PRRT1B: variants seen among roughly 807,000 people sequenced by gnomAD.
PRRT1B encodes the protein proline rich transmembrane protein 1B, also known as dispanin subfamily D member 2.
At chr9:131,549,122 A>C (rs1950993681) in intron 1 of PRRT1B, among the ~76,000 whole-genome samples, 1 of 151,858 alleles carries the variant, frequency 6.6e-6, no homozygotes, top group African/African-American at 2.4e-5. Context: ...CATTAAATAA[A>C]CCCCCCAAAT....
intron 3 of PRRT1B, among the ~76,000 whole-genome samples, chr9:131,556,538 A>G (rs1429914609): frequency 6.6e-6 from 1 of 152,060 alleles, no homozygotes; most frequent in East Asian, 1.9e-4. Context: ...ATTCATTCCT[A>G]TGCTCATCTC....
At position 131,549,432 on chromosome 9, in the gene PRRT1B, G is replaced by T. The variant is rs540123103; in HGVS notation, c.25+3792G>T. On this transcript the variant is annotated intron_variant, in intron 1 of 3. Transcript: ENST00000636672. Reference sequence around the variant, plus strand: ...ATTCCTCCTAAGCCATGTCCCATCTGTGCGGGACCCCACTGAAAATTGGAC... The same window carrying T: ...ATTCCTCCTAAGCCATGTCCCATCTTTGCGGGACCCCACTGAAAATTGGAC... Among the ~76,000 whole-genome samples the T allele has an allele frequency of 2.6e-5, 4 of 151,728 alleles. No homozygotes were observed. In the East Asian group the frequency reaches 5.8e-4, roughly 22 times the overall value.
chr9:131,546,517 C>T lies in PRRT1B; in HGVS notation c.25+877C>T, dbSNP rs1950976167. Among the ~76,000 whole-genome samples the T allele has an allele frequency of 2.6e-5, 4 of 152,054 alleles. No homozygotes were observed. In the South Asian group the frequency reaches 6.2e-4, roughly 24 times the overall value. On this transcript the variant is annotated intron_variant, in intron 1 of 3. Coordinates refer to ENST00000636672, the Ensembl canonical transcript of PRRT1B. ...CCCCTGCAGAGTCTCGCGCACTCCC[C>T]GCCCCCTCATCCCCCAGCGCGACTG... is the stretch of plus-strand genomic sequence containing the variant.
rs578244481 is a variant in PRRT1B, at chr9:131,547,161, T to C, written c.25+1521T>C. ...ATCTCGGCTCACTGCAACCTCCTTT[T>C]CCCAGGTTCAAGGGATTCTCCCTCC... is the stretch of plus-strand genomic sequence containing the variant. On this transcript the variant is annotated intron_variant, in intron 1 of 3. Coordinates refer to ENST00000636672, the Ensembl canonical transcript of PRRT1B. Among the ~76,000 whole-genome samples, 8 of 149,618 alleles carry C rather than the reference T, an allele frequency of 5.3e-5. No individual in the cohort carries two copies. The East Asian group carries it at 1.6e-3, about 30-fold the overall frequency.
intron 3 of PRRT1B, among the ~76,000 whole-genome samples, chr9:131,557,244 G>A (rs775962990): frequency 6.6e-5 from 10 of 152,152 alleles, no homozygotes; most frequent in Non-Finnish European, 1.2e-4. Flanking sequence ...CACTCTAATA[G>A]AGACAGAAGC....
chr9:131,556,921 C>G (rs1564418466), intron 3 of PRRT1B, among the ~76,000 whole-genome samples: 1 of 152,156 alleles, frequency 6.6e-6, no homozygotes, highest in Non-Finnish European at 1.5e-5. Context: ...ACGTGAGCCA[C>G]TGTGCCTGGC....
At chr9:131,547,615 G>C (rs543394390) in intron 1 of PRRT1B, among the ~76,000 whole-genome samples, 1 of 152,280 alleles carries the variant, frequency 6.6e-6, no homozygotes, top group South Asian at 2.1e-4. Flanking sequence ...ACACGGACGC[G>C]AGTGAAATTT....
At chr9:131,548,884 A>G (rs544749255) in intron 1 of PRRT1B, among the ~76,000 whole-genome samples, 2 of 152,214 alleles carry the variant, frequency 1.3e-5, no homozygotes, top group South Asian at 2.1e-4. Flanking sequence ...TTTCCTCTTA[A>G]AAAGGTGGCT....
chr9:131,551,832 C>A lies in PRRT1B; in HGVS notation c.26-2725C>A, dbSNP rs1169362278. Reference sequence around the variant, plus strand: ...TAAGACGGCCCACCCCATCTCCCTTCGCTGACTCTCTTTTTGGACTCAGCC... The same window carrying A: ...TAAGACGGCCCACCCCATCTCCCTTAGCTGACTCTCTTTTTGGACTCAGCC... On this transcript the variant is annotated intron_variant, in intron 1 of 3. Coordinates refer to ENST00000636672, the Ensembl canonical transcript of PRRT1B. The surrounding 1 kb of genome is among the most constrained non-coding windows in gnomAD (Gnocchi z 4.4). Among the ~76,000 whole-genome samples, 1 of 151,252 alleles carries A rather than the reference C, an allele frequency of 6.6e-6. No individual in the cohort carries two copies. The highest frequency in any genetic ancestry group is 1.5e-5 in the Non-Finnish European group (1 of 67,968).
chr9:131,548,200 G>C (rs1950988027), intron 1 of PRRT1B, among the ~76,000 whole-genome samples: 1 of 151,720 alleles, frequency 6.6e-6, no homozygotes, highest in African/African-American at 2.4e-5. Flanking sequence ...TTTCCTGGGG[G>C]GACAAGCATC....
intron 1 of PRRT1B, among the ~76,000 whole-genome samples, chr9:131,550,057 A>G (rs967019605): frequency 4.6e-5 from 7 of 152,128 alleles, no homozygotes; most frequent in Non-Finnish European, 8.8e-5. Context: ...CTCAATGCCA[A>G]TATCCCATCC....
intron 1 of PRRT1B, among the ~76,000 whole-genome samples, chr9:131,546,603 T>C (rs1166081530): frequency 1.3e-5 from 2 of 151,464 alleles, no homozygotes; most frequent in African/African-American, 4.9e-5. Flanking sequence ...CGGGAGATGC[T>C]GGAGCGCTGG....
intron 1 of PRRT1B, among the ~76,000 whole-genome samples, chr9:131,548,848 C>T (rs1029075552): frequency 1.3e-5 from 2 of 152,214 alleles, no homozygotes; most frequent in Non-Finnish European, 2.9e-5. Flanking sequence ...AATTCTGCGA[C>T]TAGCCCTCCC....
chr9:131,554,610 C>A (rs1006466149), exon 2 of PRRT1B: 1 of 395,790 alleles, frequency 2.5e-6, no homozygotes, highest in African/African-American at 2.1e-5. Context: ...CCCCCGGAGC[C>A]CCGCGAAGCC....
chr9:131,552,839 ATTTTTTT>A (rs61662684), intron 1 of PRRT1B, among the ~76,000 whole-genome samples: 2 of 133,798 alleles, frequency 1.5e-5, no homozygotes, highest in African/African-American at 2.8e-5. Flanking sequence ...CACCTGGTTA[ATTTTTTT>A]TTTTTTTTTT....
intron 1 of PRRT1B, among the ~76,000 whole-genome samples, chr9:131,553,211 G>C (rs958253426): frequency 8.3e-6 from 1 of 120,282 alleles, no homozygotes; most frequent in Non-Finnish European, 1.8e-5. Context: ...TTGTTGTGCA[G>C]GCATCACCAC....
chr9:131,550,075 C>T (rs577211431), intron 1 of PRRT1B, among the ~76,000 whole-genome samples: 11 of 152,260 alleles, frequency 7.2e-5, no homozygotes, highest in African/African-American at 1.7e-4. Flanking sequence ...TCCCACAGCA[C>T]GCTTTAAAAG....
At chr9:131,547,958 G>A (rs763277225) in intron 1 of PRRT1B, among the ~76,000 whole-genome samples, 2 of 152,136 alleles carry the variant, frequency 1.3e-5, no homozygotes, top group Non-Finnish European at 2.9e-5. Flanking sequence ...CACGGACTTG[G>A]GAAGACCGTC....
rs1484810727 is a variant in PRRT1B at position 131,551,346 on chromosome 9, C to CA, written c.26-3207dup. Among the ~76,000 whole-genome samples, 1 of 152,096 alleles carries CA rather than the reference C, an allele frequency of 6.6e-6. No individual in the cohort carries two copies. The highest frequency in any genetic ancestry group is 6.6e-5 in the Admixed American group (1 of 15,262). ...AACCCCACAATATCACCTCTTACCA[C>CA]AAAATCTTCCTTCAGCTTAATCTCT... On this transcript the variant is annotated intron_variant, in intron 1 of 3. Coordinates refer to ENST00000636672, the Ensembl canonical transcript of PRRT1B. The surrounding 1 kb of genome is among the most constrained non-coding windows in gnomAD (Gnocchi z 4.4).
Sources: allele counts gnomAD v4.1 joint callset (sites outside exome capture counted in the v4.1 genomes callset), GRCh38; gene constraint gnomAD v4.1.1; non-coding constraint Gnocchi (gnomAD v3.1); transcripts MANE v1.5; gene names NCBI Gene and HGNC (gene_info 2026-07-23, HGNC 2026-07-21).